Variants in PITPNC1 observed in about 807,000 individuals in gnomAD.
The protein encoded by PITPNC1 is phosphatidylinositol transfer protein cytoplasmic 1.
PITPNC1 carries 18 observed loss-of-function variants against 44.7 expected under a neutral mutation model. The observed-to-expected ratio is 0.40, with a 90% CI of 0.28 to 0.60. The LOEUF is 0.60. Ranked by LOEUF, PITPNC1 falls within the 20% of genes least tolerant of loss-of-function variation. PITPNC1 has a pLI of 0.39. For missense variants in PITPNC1, 290 were observed against 418.4 expected, an observed-to-expected ratio of 0.69 and a Z score of 2.68; for synonymous variants, 141 against 149.6, an observed-to-expected ratio of 0.94 and a Z score of 0.42.
intron 6 of PITPNC1, among the ~76,000 whole-genome samples, chr17:67,650,631 A>G (rs1045228377): frequency 2.0e-5 from 3 of 151,938 alleles, no homozygotes; most frequent in Non-Finnish European, 4.4e-5. Flanking sequence ...TTGGATTTTT[A>G]GTAGAGACGG....
intron 5 of PITPNC1, among the ~76,000 whole-genome samples, chr17:67,619,599 G>C (rs1181434024): frequency 1.3e-5 from 2 of 152,108 alleles, no homozygotes; most frequent in Non-Finnish European, 2.9e-5. Flanking sequence ...GGGGATCCAA[G>C]GACAACATGC....
intron 6 of PITPNC1, among the ~76,000 whole-genome samples, chr17:67,650,912 G>T (rs1451463414): frequency 6.6e-6 from 1 of 152,168 alleles, no homozygotes; most frequent in African/African-American, 2.4e-5. Context: ...GCCTTTCAGT[G>T]CCTTTCTACA....
At chr17:67,470,743 G>T (rs550870170) in intron 1 of PITPNC1, among the ~76,000 whole-genome samples, 7 of 152,012 alleles carry the variant, frequency 4.6e-5, no homozygotes, top group Non-Finnish European at 8.8e-5. Context: ...TGACAATGGC[G>T]GCTTTGTGGA....
At position 67,597,639 on chromosome 17, in the gene PITPNC1, T is replaced by C. The variant is rs548548048; in HGVS notation, c.366+19382T>C. Among the ~76,000 whole-genome samples the C allele has an allele frequency of 3.3e-5, 5 of 152,330 alleles. No individual in the cohort carries two copies. Among genetic ancestry groups the C allele is most frequent in the Admixed American group, 2.0e-4 (3 of 15,306 alleles). On this transcript the variant is annotated intron_variant, in intron 5 of 8. Transcript: ENST00000581322. The surrounding 1 kb of genome is among the most constrained non-coding windows in gnomAD (Gnocchi z 4.0). ...CCTAGTGGAAATTTGAGAAGTCCTT[T>C]ATTTTACATTTAAAAGATAGGATGC...
At chr17:67,656,857 G>C (rs557749158) in intron 6 of PITPNC1, among the ~76,000 whole-genome samples, 1 of 152,278 alleles carries the variant, frequency 6.6e-6, no homozygotes, top group East Asian at 1.9e-4. Context: ...TATAACAAGA[G>C]TTTGAATCAG....
intron 8 of PITPNC1, among the ~76,000 whole-genome samples, chr17:67,690,635 T>TGGG (rs1475534088): frequency 6.6e-6 from 1 of 152,032 alleles, no homozygotes; most frequent in African/African-American, 2.4e-5. Flanking sequence ...AATGGGTCTC[T>TGGG]GGGGGGCCAA....
At chr17:67,526,104 C>T (rs4239092) in intron 1 of PITPNC1, among the ~76,000 whole-genome samples, 138,439 of 152,274 alleles carry the variant, frequency 0.91, 62,951 homozygotes, top group Middle Eastern at 0.96. Context: ...CACATTGTGA[C>T]GTTTGGAAAT....
intron 4 of PITPNC1, among the ~76,000 whole-genome samples, chr17:67,575,036 T>C (rs909358480): frequency 6.6e-6 from 1 of 152,106 alleles, no homozygotes; most frequent in Non-Finnish European, 1.5e-5. Context: ...TGTGTTGGGC[T>C]AGCTAAGTGG....
At chr17:67,619,688 C>T (rs2041805448) in intron 5 of PITPNC1, among the ~76,000 whole-genome samples, 1 of 152,148 alleles carries the variant, frequency 6.6e-6, no homozygotes, top group South Asian at 2.1e-4. Flanking sequence ...TTTCCACCAT[C>T]AGGTGCTCCT....
At chr17:67,414,818 A>G (rs7224000) in intron 1 of PITPNC1, among the ~76,000 whole-genome samples, 74,250 of 151,982 alleles carry the variant, frequency 0.49, 18,701 homozygotes, top group African/African-American at 0.61. Context: ...TGAAATACTC[A>G]TCAGTTTCTG....
chr17:67,453,709 G>T (rs2039215999), intron 1 of PITPNC1, among the ~76,000 whole-genome samples: 1 of 152,192 alleles, frequency 6.6e-6, no homozygotes. Context: ...TAGTAATGGG[G>T]TACGATTTTC....
rs891558533 is a variant in PITPNC1, at chr17:67,597,415, G to A, written c.366+19158G>A. ...CTAAAAATACAAAAATTAGCCAGGC[G>A]CGGTGGCACACACCTGTAATCACAG... On this transcript the variant is annotated intron_variant, in intron 5 of 8. Coordinates refer to ENST00000581322, the MANE Select transcript of PITPNC1 (RefSeq NM_012417.4). This position sits in a 1 kb window ranked among gnomAD's most constrained non-coding sequence, Gnocchi z 4.0. 1.1e-4 allele frequency among the ~76,000 whole-genome samples: 17 copies of A among 152,110 alleles called. No individual in the cohort carries two copies. The highest frequency in any genetic ancestry group is 1.9e-4 in the East Asian group (1 of 5,152).
intron 6 of PITPNC1, among the ~76,000 whole-genome samples, chr17:67,634,753 G>T (rs753134250): frequency 6.6e-6 from 1 of 151,614 alleles, no homozygotes; most frequent in Non-Finnish European, 1.5e-5. Flanking sequence ...GACATGCTAT[G>T]GAAAAAATGA....
intron 1 of PITPNC1, among the ~76,000 whole-genome samples, chr17:67,413,229 G>C (rs1209327193): frequency 1.3e-5 from 2 of 152,116 alleles, no homozygotes; most frequent in African/African-American, 4.8e-5. Context: ...ATAGCACAAA[G>C]AATTTGTATT....
chr17:67,411,613 G>A (rs1202469317), intron 1 of PITPNC1, among the ~76,000 whole-genome samples: 1 of 152,044 alleles, frequency 6.6e-6, no homozygotes, highest in Non-Finnish European at 1.5e-5. Context: ...AGGTCACCAG[G>A]CCCTATGTTA....
intron 4 of PITPNC1, among the ~76,000 whole-genome samples, chr17:67,558,627 C>T (rs142113361): frequency 2.0e-5 from 3 of 151,990 alleles, no homozygotes; most frequent in African/African-American, 4.8e-5. Context: ...ATACAGTTGG[C>T]GTATATATTT....
intron 1 of PITPNC1, among the ~76,000 whole-genome samples, chr17:67,461,483 A>G (rs980798999): frequency 2.0e-5 from 3 of 152,170 alleles, no homozygotes; most frequent in African/African-American, 7.2e-5. Context: ...ATCACACAGG[A>G]TGTGTCTTTC....
At chr17:67,397,990 G>A (rs2038246031) in intron 1 of PITPNC1, among the ~76,000 whole-genome samples, 1 of 151,990 alleles carries the variant, frequency 6.6e-6, no homozygotes, top group Non-Finnish European at 1.5e-5. Flanking sequence ...CTACTCGAGA[G>A]GCTGGGGCAG....
intron 6 of PITPNC1, among the ~76,000 whole-genome samples, chr17:67,632,974 G>C (rs2041990075): frequency 6.6e-6 from 1 of 152,200 alleles, no homozygotes; most frequent in African/African-American, 2.4e-5. Context: ...GTTCTTGGCT[G>C]AGAATAAATT....
Sources: allele counts gnomAD v4.1 joint callset (sites outside exome capture counted in the v4.1 genomes callset), GRCh38; gene constraint gnomAD v4.1.1; non-coding constraint Gnocchi (gnomAD v3.1); transcripts MANE v1.5; gene names NCBI Gene and HGNC (gene_info 2026-07-23, HGNC 2026-07-21).